The following HIVEP1 variants were observed in gnomAD, a reference collection of about 807,000 sequenced individuals.
The protein encoded by HIVEP1 is HIVEP zinc finger 1.
A neutral mutation model predicts 180.0 loss-of-function variants in HIVEP1; 36 were observed. The ratio of observed to expected loss-of-function variants is 0.20; its 90% CI spans 0.15 to 0.26. HIVEP1 has a LOEUF of 0.26. Ranked by LOEUF, HIVEP1 falls within the 10% of genes least tolerant of loss-of-function variation. The probability of loss-of-function intolerance (pLI) is 1.00; values close to 1 mark genes in which losing one functional copy is unlikely to be tolerated. For missense variants in HIVEP1, 3,143 were observed against 3,268.7 expected, an observed-to-expected ratio of 0.96 and a Z score of 0.94; for synonymous variants, 1,239 against 1,239.0, an observed-to-expected ratio of 1.00 and a Z score of 0.00.
At chr6:12,049,799 A>G (rs555794703) in intron 2 of HIVEP1, among the ~76,000 whole-genome samples, 1 of 152,056 alleles carries the variant, frequency 6.6e-6, no homozygotes, top group African/African-American at 2.4e-5. Flanking sequence ...CGTATGCTCT[A>G]TTTGGGATTT....
chr6:12,036,872 C>T (rs1484725642), intron 2 of HIVEP1, among the ~76,000 whole-genome samples: 2 of 152,214 alleles, frequency 1.3e-5, no homozygotes, highest in Admixed American at 6.5e-5. Context: ...TGCACCACTG[C>T]ACTCCAGCCT....
chr6:12,124,477 A>G lies in HIVEP1; in HGVS notation c.4682A>G (p.Gln1561Arg), dbSNP rs1757923847. ...GAGGATTGCTTTGCTCCCAAATACC[A>G]ATTGCATTGTCAGGTTTTCACTTCA... is the stretch of plus-strand genomic sequence containing the variant. ...KSEDCFAPKY[Q>R]LHCQVFTSGP... The change falls in exon 4 of 9, where the codon CAA becomes CGA. Residue 1561 changes from glutamine (Q) to arginine (R), a missense_variant. Gln to Arg is a conservative substitution (Grantham distance 43). Around this residue, in one of 12 missense-constraint regions of HIVEP1, gnomAD observed 1,357 missense variants for 1,260.5 expected, o/e 1.08. Transcript: ENST00000379388. 1 of 1,614,096 alleles carries G rather than the reference A, an allele frequency of 6.2e-7. No individual in the cohort carries two copies. The highest frequency in any genetic ancestry group is 8.5e-7 in the Non-Finnish European group (1 of 1,180,010).
intron 2 of HIVEP1, among the ~76,000 whole-genome samples, chr6:12,035,382 A>G (rs1296303513): frequency 6.6e-6 from 1 of 152,232 alleles, no homozygotes; most frequent in African/African-American, 2.4e-5. Flanking sequence ...AACTGCAAGC[A>G]TGCTTTTTCT....
intron 3 of HIVEP1, among the ~76,000 whole-genome samples, chr6:12,110,351 A>G (rs550431474): frequency 1.3e-5 from 2 of 152,368 alleles, no homozygotes; most frequent in East Asian, 3.9e-4. Context: ...CCTGGATGGC[A>G]TCTTCTTCCA....
rs1304581748 is a variant in HIVEP1 at position 12,123,422 on chromosome 6, C to T, written c.3627C>T (p.Ser1209=). ...SDALRGELQE[S]SRKSPSERHV... is the part of the protein sequence containing the mutation. ...CTCTCAGAGGAGAACTTCAGGAAAG[C>T]TCCAGAAAGAGTCCAAGTGAACGAC... The change falls in exon 4 of 9, where the codon AGC becomes AGT. Residue 1209 remains serine, a synonymous_variant. Coordinates refer to ENST00000379388, the MANE Select transcript of HIVEP1 (RefSeq NM_002114.4). 4 of 1,614,196 alleles carry T rather than the reference C, an allele frequency of 2.5e-6. No homozygotes were observed. The South Asian group carries it at 4.4e-5, about 18-fold the overall frequency.
chr6:12,211,272 T>A, the HIVEP1 span, among the ~76,000 whole-genome samples: 4 of 86,734 alleles, frequency 4.6e-5, no homozygotes, highest in Non-Finnish European at 8.7e-5. Flanking sequence ...TGGTGGCAGG[T>A]GCCTGTAGTC....
intron 6 of HIVEP1, among the ~76,000 whole-genome samples, chr6:12,133,430 T>G (rs1758537316): frequency 1.3e-5 from 2 of 152,202 alleles, no homozygotes; most frequent in South Asian, 4.1e-4. Context: ...AATTATTTAT[T>G]AAATTAACAC....
intron 2 of HIVEP1, among the ~76,000 whole-genome samples, chr6:12,068,852 T>C (rs1771776469): frequency 6.6e-6 from 1 of 151,606 alleles, no homozygotes; most frequent in Non-Finnish European, 1.5e-5. Flanking sequence ...TGAACTTAAA[T>C]CAACTAATAC....
At chr6:12,103,907 T>C (rs1452221161) in intron 3 of HIVEP1, among the ~76,000 whole-genome samples, 1 of 152,178 alleles carries the variant, frequency 6.6e-6, no homozygotes, top group Non-Finnish European at 1.5e-5. Context: ...AAGTGTCATA[T>C]ATTAGAAAAG....
chr6:12,144,284 A>T (rs1404429014), intron 7 of HIVEP1, among the ~76,000 whole-genome samples: 6 of 152,222 alleles, frequency 3.9e-5, no homozygotes, highest in Admixed American at 6.5e-5. Flanking sequence ...AGGGGAAAGG[A>T]TTCCCTATTT....
chr6:12,175,471 T>G, the HIVEP1 span, among the ~76,000 whole-genome samples: 1 of 152,358 alleles, frequency 6.6e-6, no homozygotes, highest in African/African-American at 2.4e-5. Flanking sequence ...GCACTAGTTA[T>G]TCAAGTTTTT....
At chr6:12,046,416 T>C (rs1770115082) in intron 2 of HIVEP1, among the ~76,000 whole-genome samples, 2 of 152,228 alleles carry the variant, frequency 1.3e-5, no homozygotes, top group South Asian at 4.2e-4. Flanking sequence ...AGAGGAAAGC[T>C]AAGGCCTATA....
intron 3 of HIVEP1, among the ~76,000 whole-genome samples, chr6:12,118,056 T>C (rs1775328117): frequency 6.6e-6 from 1 of 152,208 alleles, no homozygotes. Flanking sequence ...AAAATGTTTG[T>C]TCAACATTTT....
At chr6:12,094,852 A>G (rs781006737) in intron 3 of HIVEP1, among the ~76,000 whole-genome samples, 3 of 152,070 alleles carry the variant, frequency 2.0e-5, no homozygotes, top group Non-Finnish European at 2.9e-5. Context: ...TTTGTTTGAT[A>G]TTGGAACTGT....
downstream of HIVEP1, among the ~76,000 whole-genome samples, chr6:12,168,270 A>ATATAT (rs1373325129): frequency 9.2e-5 from 12 of 130,536 alleles, 1 homozygote; most frequent in African/African-American, 3.4e-4. Flanking sequence ...GTATATATAC[A>ATATAT]TATATACATA....
chr6:12,131,165 A>AT (rs1561983981), intron 6 of HIVEP1, among the ~76,000 whole-genome samples: 1 of 151,684 alleles, frequency 6.6e-6, no homozygotes, highest in African/African-American at 2.4e-5. Context: ...TAAATATAAT[A>AT]TTTTTAAAAG....
intron 2 of HIVEP1, among the ~76,000 whole-genome samples, chr6:12,064,255 A>G (rs143617252): frequency 4.6e-5 from 7 of 152,316 alleles, no homozygotes; most frequent in South Asian, 2.1e-4. Flanking sequence ...TATGTATCAT[A>G]AATTTTGTAA....
chr6:12,056,786 T>C (rs576269533), intron 2 of HIVEP1, among the ~76,000 whole-genome samples: 1 of 152,270 alleles, frequency 6.6e-6, no homozygotes, highest in African/African-American at 2.4e-5. Context: ...TTTTGGAAAT[T>C]ATTTTAATCA....
chr6:12,189,937 G>GA, the HIVEP1 span, among the ~76,000 whole-genome samples: 1 of 152,154 alleles, frequency 6.6e-6, no homozygotes, highest in Non-Finnish European at 1.5e-5. Flanking sequence ...GTCACTGAAA[G>GA]AAAAAATAGT....
Sources: allele counts gnomAD v4.1 joint callset (sites outside exome capture counted in the v4.1 genomes callset), GRCh38; gene constraint gnomAD v4.1.1; regional missense constraint gnomAD v4.1.1; transcripts MANE v1.5; gene names NCBI Gene and HGNC (gene_info 2026-07-23, HGNC 2026-07-21).